NEO1: variants seen among roughly 807,000 people sequenced by gnomAD.
NEO1 encodes the protein neogenin.
NEO1 carries 63 observed loss-of-function variants against 159.7 expected under a neutral mutation model. The ratio of observed to expected loss-of-function variants is 0.39; its 90% confidence interval spans 0.32 to 0.49. The LOEUF is 0.49. Among genes scored for constraint, NEO1 ranks in the 20% least tolerant of loss-of-function variants. The pLI, the probability that NEO1 is intolerant of heterozygous loss-of-function variation, is 0.85. For missense variants in NEO1, 1,615 were observed against 1,831.0 expected, an observed-to-expected ratio of 0.88 and a Z score of 2.15; for synonymous variants, 633 against 662.0, an observed-to-expected ratio of 0.96 and a Z score of 0.67.
intron 23 of NEO1, among the ~76,000 whole-genome samples, chr15:73,284,654 T>C (rs1417025781): frequency 6.6e-6 from 1 of 151,396 alleles, no homozygotes; most frequent in Non-Finnish European, 1.5e-5. Context: ...GGCACATTCT[T>C]GGCTCACTGC....
chr15:73,144,930 C>A (rs936005463), intron 5 of NEO1, among the ~76,000 whole-genome samples: 31 of 152,098 alleles, frequency 2.0e-4, no homozygotes, highest in African/African-American at 7.5e-4. Context: ...TGCTTTCACT[C>A]CCCTGATTCA....
chr15:73,109,294 A>T (rs539173539), intron 1 of NEO1, among the ~76,000 whole-genome samples: 1 of 152,318 alleles, frequency 6.6e-6, no homozygotes, highest in East Asian at 1.9e-4. Context: ...GAGGAATTTT[A>T]TACAAATTCT....
chr15:73,061,345 C>T (rs2067968714), intron 1 of NEO1, among the ~76,000 whole-genome samples: 1 of 152,230 alleles, frequency 6.6e-6, no homozygotes, highest in African/African-American at 2.4e-5. Flanking sequence ...ATATTGCCTA[C>T]CCCTGGCCTT....
At chr15:73,301,125 G>A (rs1050892510) in intron 27 of NEO1, among the ~76,000 whole-genome samples, 196 bp from the exon 28 acceptor site, 6 of 152,288 alleles carry the variant, frequency 3.9e-5, no homozygotes, top group African/African-American at 1.4e-4. Flanking sequence ...AGAGACAGTG[G>A]AATATTTTCT....
intron 1 of NEO1, among the ~76,000 whole-genome samples, chr15:73,067,440 A>T (rs1487870529): frequency 1.3e-5 from 2 of 148,148 alleles, no homozygotes; most frequent in African/African-American, 2.5e-5. Context: ...GTTGACATGG[A>T]TGCTTTTCTT....
At chr15:73,164,302 T>C (rs1596217741) in intron 5 of NEO1, among the ~76,000 whole-genome samples, 1 of 150,576 alleles carries the variant, frequency 6.6e-6, no homozygotes, top group East Asian at 2.0e-4. Context: ...CAACTTCCAC[T>C]TCCTGGGTTC....
intron 15 of NEO1, among the ~76,000 whole-genome samples, chr15:73,261,226 A>G (rs1402620094): frequency 6.6e-6 from 1 of 151,766 alleles, no homozygotes; most frequent in Non-Finnish European, 1.5e-5. Context: ...TCTCTAAGGA[A>G]CCCTGATTTA....
intron 7 of NEO1, among the ~76,000 whole-genome samples, chr15:73,182,621 G>GT (rs2035678283): frequency 6.6e-6 from 1 of 152,042 alleles, no homozygotes; most frequent in Non-Finnish European, 1.5e-5. Flanking sequence ...AAAGGCACAT[G>GT]TTACATGGTG....
rs746410238 is a variant in NEO1, at chr15:73,272,581, T to C, written c.2965+19T>C. On this transcript the variant is annotated intron_variant, in intron 19 of 28. Transcript: ENST00000261908. Reference sequence around the variant, plus strand: ...ATTACAGGTAAAATGCAATCAAGTGTGCATTTCTTTGTGCGCTCTTCCTGC... The same window carrying C: ...ATTACAGGTAAAATGCAATCAAGTGCGCATTTCTTTGTGCGCTCTTCCTGC... 2.4e-5 allele frequency: 36 copies of C among 1,506,954 alleles called. No individual in the cohort carries two copies. Among genetic ancestry groups the C allele is most frequent in the Middle Eastern group, 3.4e-4 (2 of 5,874 alleles). The allele number at this position is 1,506,954 out of a possible 1,614,324, so 93.3% of individuals were successfully genotyped here. A position where few individuals can be genotyped will look rare whatever the true frequency, so the allele number is the denominator to read the frequency against.
At chr15:73,254,496 G>C (rs1177981305) in intron 12 of NEO1, among the ~76,000 whole-genome samples, 186 bp from the exon 13 acceptor site, 1 of 152,054 alleles carries the variant, frequency 6.6e-6, no homozygotes, top group Non-Finnish European at 1.5e-5. Flanking sequence ...CTTCCCATTT[G>C]ATCATTGAGG....
intron 2 of NEO1, among the ~76,000 whole-genome samples, chr15:73,118,422 A>G (rs953297638): frequency 2.0e-5 from 3 of 150,766 alleles, no homozygotes; most frequent in Non-Finnish European, 4.4e-5. Context: ...TTAACATTTC[A>G]CCCTGCCTCT....
intron 16 of NEO1, among the ~76,000 whole-genome samples, chr15:73,267,368 TA>T (rs2040956876): frequency 6.6e-6 from 1 of 152,208 alleles, no homozygotes; most frequent in Non-Finnish European, 1.5e-5. Context: ...GTTTATTGAA[TA>T]TGTTAGAGTT....
intron 20 of NEO1, 58 bp downstream of exon 20, chr15:73,274,063 C>T (rs2041295704): frequency 4.7e-6 from 7 of 1,487,992 alleles, no homozygotes; most frequent in Non-Finnish European, 6.5e-6. Context: ...GCTATGCTGA[C>T]ACTATCACTT....
At chr15:73,155,005 T>C (rs2033672098) in intron 5 of NEO1, among the ~76,000 whole-genome samples, 1 of 152,024 alleles carries the variant, frequency 6.6e-6, no homozygotes, top group Non-Finnish European at 1.5e-5. Context: ...GTTTGTTTTA[T>C]AAAGTCTTTG....
At chr15:73,290,572 C>T (rs1316795048) in intron 25 of NEO1, among the ~76,000 whole-genome samples, 3 of 152,118 alleles carry the variant, frequency 2.0e-5, no homozygotes, top group African/African-American at 4.8e-5. Flanking sequence ...ATTCTTGATT[C>T]GTGCCTCACT....
intron 5 of NEO1, among the ~76,000 whole-genome samples, chr15:73,137,379 C>T (rs1028222919): frequency 1.3e-5 from 2 of 152,086 alleles, no homozygotes; most frequent in African/African-American, 4.8e-5. Flanking sequence ...GAAAAATATA[C>T]TAAAAATAAA....
intron 7 of NEO1, among the ~76,000 whole-genome samples, chr15:73,214,820 T>C (rs1255653217): frequency 6.6e-6 from 1 of 152,172 alleles, no homozygotes; most frequent in African/African-American, 2.4e-5. Flanking sequence ...TAAAGAATGA[T>C]GGTGGCATTT....
intron 5 of NEO1, among the ~76,000 whole-genome samples, chr15:73,152,393 G>A (rs2033443232): frequency 6.6e-6 from 1 of 152,242 alleles, no homozygotes; most frequent in East Asian, 1.9e-4. Flanking sequence ...GGGAGGAGTG[G>A]GTTCAGAGAG....
chr15:73,301,705 T>G (rs897704836), intron 28 of NEO1, among the ~76,000 whole-genome samples: 19 of 152,042 alleles, frequency 1.2e-4, no homozygotes, highest in African/African-American at 4.3e-4. Flanking sequence ...TCTTGCTCTG[T>G]CTCCCAGGCT....
Sources: allele counts gnomAD v4.1 joint callset (sites outside exome capture counted in the v4.1 genomes callset), GRCh38; gene constraint gnomAD v4.1.1; transcripts MANE v1.5; gene names NCBI Gene and HGNC (gene_info 2026-07-23, HGNC 2026-07-21).